The following C12orf54 variants were observed in gnomAD, a reference collection of about 807,000 sequenced individuals.
C12orf54 encodes the protein uncharacterized protein C12orf54.
In C12orf54, 24 loss-of-function variants were observed where a neutral mutation model predicts 26.4. The ratio of observed to expected loss-of-function variants is 0.91; its 90% CI spans 0.66 to 1.28. C12orf54 has a LOEUF of 1.28. Ranked by LOEUF, C12orf54 falls within the 50% of genes most tolerant of loss-of-function variation. C12orf54 has a pLI of 0.00. For missense variants in C12orf54, 154 were observed against 150.9 expected (o/e 1.02, Z -0.11); for synonymous variants, 54 against 47.0 (o/e 1.15, Z -0.61).
the C12orf54 span, among the ~76,000 whole-genome samples, chr12:48,434,192 C>T: frequency 6.6e-6 from 1 of 152,172 alleles, no homozygotes; most frequent in Non-Finnish European, 1.5e-5. Context: ...GATCAAGCAG[C>T]AAAGCGGCAG....
chr12:48,475,290 AT>A, the C12orf54 span, among the ~76,000 whole-genome samples: 6 of 146,274 alleles, frequency 4.1e-5, no homozygotes, highest in East Asian at 1.9e-3. Context: ...AACCACAAAG[AT>A]GGGAAAAAAA....
At chr12:48,439,575 G>C in the C12orf54 span, among the ~76,000 whole-genome samples, 1 of 152,114 alleles carries the variant, frequency 6.6e-6, no homozygotes, top group African/African-American at 2.4e-5. Flanking sequence ...GCCATAAAAA[G>C]GATGAGTTCA....
chr12:48,489,090 T>C (rs1006834195), intron 5 of C12orf54, 134 bp downstream of exon 5: 2 of 908,594 alleles, frequency 2.2e-6, no homozygotes, highest in Non-Finnish European at 3.7e-6. Context: ...GATTTCTCCC[T>C]TAAAGAGTAC....
intron 6 of C12orf54, among the ~76,000 whole-genome samples, chr12:48,492,608 T>G (rs758417710): frequency 6.6e-6 from 1 of 152,202 alleles, no homozygotes; most frequent in Non-Finnish European, 1.5e-5. Context: ...AGTCTTATTG[T>G]ACCCATTTCC....
Position 48,486,502 on chromosome 12 carries a change from G to C in C12orf54, c.97-186G>C, listed in dbSNP as rs1204177638. The C allele has an allele frequency of 6.5e-5, 43 of 660,478 alleles. No homozygotes were observed. In the East Asian group the frequency reaches 1.1e-3, roughly 17 times the overall value. The allele number at this position is 660,478 out of a possible 1,614,324, so 40.9% of individuals were successfully genotyped here. On this transcript the variant is annotated intron_variant, in intron 3 of 8. Coordinates refer to ENST00000548364, the MANE Select transcript of C12orf54 (RefSeq NM_152319.4). ...ACCAGCTAGATCCAGAGCGAAGCAG[G>C]ATATATGGGATGAAATGATTCACCA...
chr12:48,447,832 T>G, the C12orf54 span, among the ~76,000 whole-genome samples: 768 of 152,314 alleles, frequency 5.0e-3, 7 homozygotes, highest in African/African-American at 0.017. Context: ...TCTAATCACA[T>G]GAGTTTTTAA....
chr12:48,425,230 AC>A, the C12orf54 span, among the ~76,000 whole-genome samples: 2 of 151,684 alleles, frequency 1.3e-5, no homozygotes, highest in Non-Finnish European at 2.9e-5. Flanking sequence ...CTCTCCCTCC[AC>A]CCATCCTCCA....
chr12:48,461,401 A>T, the C12orf54 span, among the ~76,000 whole-genome samples: 1 of 152,062 alleles, frequency 6.6e-6, no homozygotes, highest in East Asian at 1.9e-4. Flanking sequence ...ATTGAAATTT[A>T]TGTAATTCTC....
At chr12:48,416,581 G>C in the C12orf54 span, among the ~76,000 whole-genome samples, 1 of 152,202 alleles carries the variant, frequency 6.6e-6, no homozygotes, top group Non-Finnish European at 1.5e-5. Flanking sequence ...TTAAGATGTG[G>C]CTGGGCACAG....
At chr12:48,432,089 A>C in the C12orf54 span, among the ~76,000 whole-genome samples, 1 of 152,234 alleles carries the variant, frequency 6.6e-6, no homozygotes, top group Non-Finnish European at 1.5e-5. Flanking sequence ...GGTAAAAGTT[A>C]ATTAAGTTTT....
chr12:48,443,839 G>C, the C12orf54 span, among the ~76,000 whole-genome samples: 1 of 152,104 alleles, frequency 6.6e-6, no homozygotes, highest in Admixed American at 6.5e-5. Context: ...TTCCTATTCT[G>C]CTCTATCTTT....
At chr12:48,484,315 A>G (rs905452333) in intron 2 of C12orf54, among the ~76,000 whole-genome samples, 11 of 152,216 alleles carry the variant, frequency 7.2e-5, no homozygotes, top group African/African-American at 1.9e-4. Context: ...GAGAAGACTG[A>G]ATCTGGAGGA....
At chr12:48,452,258 G>T in the C12orf54 span, among the ~76,000 whole-genome samples, 4 of 152,068 alleles carry the variant, frequency 2.6e-5, no homozygotes, top group Admixed American at 6.6e-5. Flanking sequence ...TTAATAAATG[G>T]TGCTGGGAGA....
chr12:48,457,146 T>C, the C12orf54 span, among the ~76,000 whole-genome samples: 4 of 151,982 alleles, frequency 2.6e-5, no homozygotes, highest in Non-Finnish European at 5.9e-5. Context: ...CCATAGACTA[T>C]GAAATTAAAT....
chr12:48,473,208 G>T, the C12orf54 span: 1 of 1,286,530 alleles, frequency 7.8e-7, no homozygotes, highest in Non-Finnish European at 1.1e-6. Context: ...GTATGATGAA[G>T]ATGCTCAGGT....
chr12:48,422,806 A>G, the C12orf54 span, among the ~76,000 whole-genome samples: 2 of 152,166 alleles, frequency 1.3e-5, no homozygotes, highest in African/African-American at 4.8e-5. Context: ...CTATTTTTTC[A>G]TGATTTGATA....
the C12orf54 span, among the ~76,000 whole-genome samples, chr12:48,446,293 C>T: frequency 6.6e-6 from 1 of 152,170 alleles, no homozygotes; most frequent in African/African-American, 2.4e-5. Context: ...AAAAGCTTTT[C>T]TGAAGTTTGA....
the C12orf54 span, among the ~76,000 whole-genome samples, chr12:48,465,444 A>G: frequency 6.6e-6 from 1 of 152,306 alleles, no homozygotes. Context: ...GAGAAAAAGG[A>G]ATGCTTATTC....
At chr12:48,441,644 A>G in the C12orf54 span, among the ~76,000 whole-genome samples, 7 of 152,172 alleles carry the variant, frequency 4.6e-5, no homozygotes, top group South Asian at 6.2e-4. Context: ...ATTGAACCAT[A>G]GAGTTCAGTT....
Sources: gnomAD v4.1 joint callset for allele counts (sites outside exome capture counted in the v4.1 genomes callset) on GRCh38, gnomAD v4.1.1 for gene constraint, MANE v1.5 for transcripts, NCBI Gene and HGNC (gene_info 2026-07-23, HGNC 2026-07-21) for gene names.